ARHGAP24: variants seen among roughly 807,000 people sequenced by gnomAD.
The protein encoded by ARHGAP24 is Rho GTPase activating protein 24.
ARHGAP24 carries 50 observed loss-of-function variants against 76.4 expected under a neutral mutation model. The observed-to-expected ratio is 0.65, with a 90% confidence interval of 0.52 to 0.83. ARHGAP24 has a LOEUF of 0.83. Ranked by LOEUF, ARHGAP24 falls within the 40% of genes least tolerant of loss-of-function variation. ARHGAP24 has a pLI of 0.00. For missense variants in ARHGAP24, 930 were observed against 914.2 expected, an observed-to-expected ratio of 1.02 and a Z score of -0.22; for synonymous variants, 345 against 323.3, an observed-to-expected ratio of 1.07 and a Z score of -0.72.
At chr4:85,538,606 T>G (rs1725564865) in intron 1 of ARHGAP24, among the ~76,000 whole-genome samples, 1 of 152,196 alleles carries the variant, frequency 6.6e-6, no homozygotes, top group Non-Finnish European at 1.5e-5. Context: ...CCTATTTGAC[T>G]TGTAATTGAA....
intron 8 of ARHGAP24, among the ~76,000 whole-genome samples, chr4:85,978,171 C>T (rs796573434): frequency 5.3e-5 from 8 of 152,282 alleles, no homozygotes; most frequent in African/African-American, 1.9e-4. Context: ...CAAAGTGTCT[C>T]AATTATTTTC....
intron 3 of ARHGAP24, among the ~76,000 whole-genome samples, chr4:85,728,786 T>G (rs1051303036): frequency 4.6e-5 from 7 of 152,210 alleles, no homozygotes; most frequent in Non-Finnish European, 1.0e-4. Context: ...TTTGAGTTTT[T>G]GGGATAATAA....
intron 6 of ARHGAP24, among the ~76,000 whole-genome samples, chr4:85,974,009 ATTTTTTTTT>A (rs201491396): frequency 7.9e-6 from 1 of 127,120 alleles, no homozygotes; most frequent in African/African-American, 3.0e-5. Flanking sequence ...AGCCTGGCTA[ATTTTTTTTT>A]TTTTTTTTTT....
chr4:85,793,821 C>G (rs1465522025), intron 3 of ARHGAP24, among the ~76,000 whole-genome samples: 1 of 152,114 alleles, frequency 6.6e-6, no homozygotes, highest in Non-Finnish European at 1.5e-5. Flanking sequence ...GAAGCAGTGC[C>G]TTCTTTTTGA....
At chr4:85,997,522 T>A (rs1740750919) in intron 9 of ARHGAP24, among the ~76,000 whole-genome samples, 1 of 152,172 alleles carries the variant, frequency 6.6e-6, no homozygotes, top group Non-Finnish European at 1.5e-5. Flanking sequence ...GGTAAATAGG[T>A]AGGGAGGTAG....
chr4:85,844,610 G>A (rs1389188691), intron 3 of ARHGAP24, among the ~76,000 whole-genome samples: 1 of 152,152 alleles, frequency 6.6e-6, no homozygotes, highest in Admixed American at 6.6e-5. Flanking sequence ...TATTTACCTG[G>A]AGGAGCAGAT....
intron 3 of ARHGAP24, among the ~76,000 whole-genome samples, chr4:85,863,945 C>T (rs979816094): frequency 2.0e-5 from 3 of 152,052 alleles, no homozygotes; most frequent in African/African-American, 7.2e-5. Context: ...TCTGAGGAGG[C>T]AGTGTCTGAT....
intron 2 of ARHGAP24, among the ~76,000 whole-genome samples, chr4:85,718,834 A>G (rs1458583865): frequency 6.6e-6 from 1 of 152,218 alleles, no homozygotes; most frequent in Admixed American, 6.5e-5. Context: ...TACAAAAAGG[A>G]CAACAAAGGA....
intron 3 of ARHGAP24, among the ~76,000 whole-genome samples, chr4:85,740,424 T>C (rs538949590): frequency 7.9e-4 from 120 of 152,184 alleles, no homozygotes; most frequent in Non-Finnish European, 1.0e-3. Flanking sequence ...GGTTTCACCA[T>C]GTTGGCCAGG....
At chr4:85,731,021 CACACACAGAGAG>C (rs1019424353) in intron 3 of ARHGAP24, among the ~76,000 whole-genome samples, 2 of 141,418 alleles carry the variant, frequency 1.4e-5, no homozygotes, top group Admixed American at 7.0e-5. Flanking sequence ...CACACACACA[CACACACAGAGAG>C]AGAGACTGGG....
At chr4:85,513,267 T>C (rs980746275) in intron 1 of ARHGAP24, among the ~76,000 whole-genome samples, 1 of 152,186 alleles carries the variant, frequency 6.6e-6, no homozygotes, top group East Asian at 1.9e-4. Context: ...AGTGGACACC[T>C]GGGGTGGGGA....
intron 3 of ARHGAP24, among the ~76,000 whole-genome samples, chr4:85,874,044 A>G (rs1053717502): frequency 3.9e-5 from 6 of 152,196 alleles, no homozygotes; most frequent in Admixed American, 3.9e-4. Context: ...GTATCTTACA[A>G]AGTGGCCTAA....
Position 85,875,441 on chromosome 4 carries a change from A to G in ARHGAP24, c.269-48207A>G, listed in dbSNP as rs1430232458. Among the ~76,000 whole-genome samples the G allele has an allele frequency of 4.0e-4, 6 of 14,938 alleles. 1 individual carries two copies. The highest frequency in any genetic ancestry group is 7.8e-4 in the African/African-American group (6 of 7,648). 9.8% of individuals were successfully genotyped at this position (14,938 alleles called of 152,430 possible). On this transcript the variant is annotated intron_variant, in intron 3 of 9. Transcript: ENST00000395184. ...TTATATATTATATTATATATAATATATTTATCTTATATATTATATTATATA... is the reference window on the plus strand; with the variant it reads ...TTATATATTATATTATATATAATATGTTTATCTTATATATTATATTATATA...
In ARHGAP24 at chr4:85,500,874, A is replaced by AC. The variant is rs1213993125; in HGVS notation, c.-21+25322dup. On this transcript the variant is annotated intron_variant, in intron 1 of 9. Transcript: ENST00000395184. ...AACGCTGTTCCTCCCCCAGCCTCCCACCCCCCCACCAACAGGCCCTGGTGT... is the reference window on the plus strand; with the variant it reads ...AACGCTGTTCCTCCCCCAGCCTCCCACCCCCCCCACCAACAGGCCCTGGTGT... Among the ~76,000 whole-genome samples the AC allele has an allele frequency of 1.4e-3, 83 of 59,622 alleles. 1 individual carries two copies. Among genetic ancestry groups the AC allele is most frequent in the Admixed American group, 4.7e-3 (25 of 5,366 alleles). The allele number at this position is 59,622 out of a possible 152,430, so 39.1% of individuals were successfully genotyped here. A position where few individuals can be genotyped will look rare whatever the true frequency, so the allele number is the denominator to read the frequency against.
intron 2 of ARHGAP24, among the ~76,000 whole-genome samples, chr4:85,608,558 T>G (rs1329006682): frequency 4.6e-5 from 6 of 130,200 alleles, no homozygotes; most frequent in African/African-American, 1.4e-4. Context: ...GTTGTTTTTT[T>G]TTTTTTTTTT....
intron 3 of ARHGAP24, among the ~76,000 whole-genome samples, chr4:85,830,388 C>T (rs942443624): frequency 1.3e-5 from 2 of 152,176 alleles, no homozygotes; most frequent in Admixed American, 6.5e-5. Context: ...CTGTGTCCAT[C>T]GTGCCTAGCA....
At chr4:85,515,167 A>G (rs973650250) in intron 1 of ARHGAP24, among the ~76,000 whole-genome samples, 1 of 152,112 alleles carries the variant, frequency 6.6e-6, no homozygotes, top group African/African-American at 2.4e-5. Context: ...CCCTGCATGC[A>G]TGGGCAAAGT....
At chr4:85,598,329 T>C (rs141135658) in intron 2 of ARHGAP24, among the ~76,000 whole-genome samples, 1 of 152,260 alleles carries the variant, frequency 6.6e-6, no homozygotes, top group East Asian at 1.9e-4. Flanking sequence ...TTATGTCCCA[T>C]TCTAATTACT....
At chr4:85,583,108 C>T (rs1727685506) in intron 2 of ARHGAP24, among the ~76,000 whole-genome samples, 2 of 152,064 alleles carry the variant, frequency 1.3e-5, no homozygotes, top group Non-Finnish European at 2.9e-5. Flanking sequence ...TAGTAAAATG[C>T]ATTAGCAATA....
Sources: gnomAD v4.1 joint callset for allele counts (sites outside exome capture counted in the v4.1 genomes callset) on GRCh38, gnomAD v4.1.1 for gene constraint, MANE v1.5 for transcripts, NCBI Gene and HGNC (gene_info 2026-07-23, HGNC 2026-07-21) for gene names.